ILKAP: variants seen among roughly 807,000 people sequenced by gnomAD.
ILKAP encodes the protein integrin-linked kinase-associated serine/threonine phosphatase 2C.
In ILKAP, 11 loss-of-function variants were observed where a neutral mutation model predicts 49.1. The observed-to-expected ratio is 0.22, with a 90% CI of 0.14 to 0.37. The LOEUF is 0.37. ILKAP is among the 10% of genes least tolerant of loss of function. The probability of loss-of-function intolerance (pLI) is 1.00; values close to 1 mark genes in which losing one functional copy is unlikely to be tolerated. For missense variants in ILKAP, 363 were observed against 510.8 expected (o/e 0.71, Z 2.79); for synonymous variants, 186 against 192.8 (o/e 0.96, Z 0.29).
chr2:238,194,207 A>G (rs1694256352), intron 3 of ILKAP, 68 bp downstream of exon 3: 49 of 1,370,864 alleles, frequency 3.6e-5, no homozygotes, highest in Non-Finnish European at 4.6e-5. Flanking sequence ...CCTATACATA[A>G]ATTTCACATA....
chr2:238,176,132 T>G (rs1693443564), intron 9 of ILKAP, among the ~76,000 whole-genome samples: 6 of 87,958 alleles, frequency 6.8e-5, no homozygotes, highest in Middle Eastern at 4.9e-3. Flanking sequence ...TAGCAAGTAG[T>G]GGCTTTTTTT....
chr2:238,193,612 T>C (rs1266373423), intron 3 of ILKAP, among the ~76,000 whole-genome samples: 1 of 152,242 alleles, frequency 6.6e-6, no homozygotes, highest in South Asian at 2.1e-4. Flanking sequence ...TGCAATTTTT[T>C]GGTATGGGTC....
intron 9 of ILKAP, 101 bp from the exon 10 acceptor site, chr2:238,173,754 T>C (rs1693329576): frequency 1.5e-6 from 2 of 1,315,516 alleles, no homozygotes; most frequent in Non-Finnish European, 2.1e-6. Flanking sequence ...GTGTGAAAGA[T>C]ACAGACTGTG....
chr2:238,202,031 C>G (rs949786902), intron 1 of ILKAP, among the ~76,000 whole-genome samples: 4 of 152,072 alleles, frequency 2.6e-5, no homozygotes, highest in African/African-American at 9.7e-5. Flanking sequence ...TCAAGACCAC[C>G]CTACCCAACA....
At chr2:238,177,518 C>A (rs554969066) in intron 9 of ILKAP, among the ~76,000 whole-genome samples, 5 of 152,276 alleles carry the variant, frequency 3.3e-5, no homozygotes, top group African/African-American at 9.6e-5. Flanking sequence ...CCCCCAATAA[C>A]CACCATTCTA....
rs1490832013 is a variant in ILKAP, at chr2:238,201,059, C to A, written c.55+2440G>T. Reference sequence around the variant, plus strand: ...TTGCGCTCTGGGAAAATAACGAGGTCTTTTATTGTTCACTGCATTAGAGAT... The same window carrying A: ...TTGCGCTCTGGGAAAATAACGAGGTATTTTATTGTTCACTGCATTAGAGAT... On this transcript the variant is annotated intron_variant, in intron 1 of 11. Transcript: ENST00000254654. Among the ~76,000 whole-genome samples the A allele has an allele frequency of 4.6e-5, 7 of 152,170 alleles. No individual in the cohort carries two copies. The South Asian group carries it at 1.2e-3, about 27-fold the overall frequency.
intron 5 of ILKAP, chr2:238,185,593 G>GGAGATCAA (rs1693872039): frequency 3.9e-6 from 1 of 259,438 alleles, no homozygotes; most frequent in Non-Finnish European, 7.6e-6. Context: ...CACGAGATCA[G>GGAGATCAA]GAGATCAAGA....
chr2:238,170,604 C>T lies in ILKAP; in HGVS notation c.1111G>A (p.Ala371Thr), dbSNP rs1409601871. The change falls in exon 12 of 12, where the codon GCC (alanine) becomes ACC (threonine). Residue 371 changes from alanine (A) to threonine (T), a missense_variant. Coordinates refer to ENST00000254654, the MANE Select transcript of ILKAP (RefSeq NM_030768.3). The stretch of plus-strand genomic sequence containing the variant: ...GAGCCCCGCTGCACCGCCTTGTTGG[C>T]CAGCCTGTTGCAGGCTGCTTCGTAG... ...ARYEAACNRL[A>T]NKAVQRGSAD... The T allele has an allele frequency of 1.2e-6, 2 of 1,607,606 alleles. No individual in the cohort carries two copies. The highest frequency in any genetic ancestry group is 1.7e-6 in the Non-Finnish European group (2 of 1,174,968).
At chr2:238,179,179 C>CAT (rs1450945305) in intron 9 of ILKAP, among the ~76,000 whole-genome samples, 1 of 152,144 alleles carries the variant, frequency 6.6e-6, no homozygotes, top group African/African-American at 2.4e-5. Flanking sequence ...TTCCACTGGC[C>CAT]ATATCTGAAA....
At chr2:238,185,595 A>G in intron 5 of ILKAP, 1 of 253,340 alleles carries the variant, frequency 3.9e-6, no homozygotes. Context: ...CGAGATCAGG[A>G]GATCAAGACC....
At chr2:238,175,626 A>G (rs1362988008) in intron 9 of ILKAP, among the ~76,000 whole-genome samples, 2 of 152,210 alleles carry the variant, frequency 1.3e-5, no homozygotes, top group Non-Finnish European at 2.9e-5. Context: ...TCTGAGATCG[A>G]GCATCACACA....
intron 3 of ILKAP, among the ~76,000 whole-genome samples, chr2:238,193,140 G>A (rs570419931): frequency 1.3e-5 from 2 of 152,302 alleles, no homozygotes; most frequent in South Asian, 4.1e-4. Context: ...TTTGCCTTTT[G>A]TCCTGTAGAT....
chr2:238,177,231 G>A (rs1299986885), intron 9 of ILKAP, among the ~76,000 whole-genome samples: 1 of 152,222 alleles, frequency 6.6e-6, no homozygotes, highest in Middle Eastern at 3.2e-3. Flanking sequence ...AGGGGACAGG[G>A]ATGAAAGCAT....
intron 1 of ILKAP, among the ~76,000 whole-genome samples, chr2:238,200,154 T>C (rs1694510801): frequency 1.3e-5 from 2 of 152,210 alleles, no homozygotes; most frequent in South Asian, 4.1e-4. Context: ...GGCACTTTTA[T>C]GGGTATGACA....
chr2:238,179,902 G>A (rs186872486), intron 9 of ILKAP, among the ~76,000 whole-genome samples: 29 of 152,224 alleles, frequency 1.9e-4, no homozygotes, highest in Non-Finnish European at 3.5e-4. Flanking sequence ...AATGAGTCTC[G>A]GCAGGGTGCA....
chr2:238,183,995 A>G (rs1693800948), intron 7 of ILKAP, 25 bp downstream of exon 7: 2 of 1,423,446 alleles, frequency 1.4e-6, no homozygotes. Context: ...AGTCCACTCA[A>G]ACTTCATCAT....
chr2:238,185,397 G>C (rs1338779531), intron 5 of ILKAP, 110 bp from the exon 6 acceptor site: 3 of 686,966 alleles, frequency 4.4e-6, no homozygotes, highest in Non-Finnish European at 7.8e-6. Flanking sequence ...GTCAGAGGAA[G>C]TCACACTGGT....
chr2:238,198,960 G>A lies in ILKAP; in HGVS notation c.56-4090C>T, dbSNP rs927624213. Among the ~76,000 whole-genome samples the A allele has an allele frequency of 5.6e-4, 86 of 152,248 alleles. 1 individual carries two copies. Among genetic ancestry groups the A allele is most frequent in the African/African-American group, 2.0e-3 (85 of 41,548 alleles). ...AGAGGTATTATCAGAAAAAAGGGGG[G>A]ACAGGTTCCGCCACACCCCCCAACC... On this transcript the variant is annotated intron_variant, in intron 1 of 11. Transcript: ENST00000254654.
chr2:238,194,304 T>G lies in ILKAP; in HGVS notation c.149A>C (p.Asp50Ala), dbSNP rs1694260709. 1 of 1,613,904 alleles carries G rather than the reference T, an allele frequency of 6.2e-7. No homozygotes were observed. The highest frequency in any genetic ancestry group is 1.3e-5 in the African/African-American group (1 of 74,872). Residue 50 changes from aspartate to alanine, a missense_variant, in exon 3 of 12, where the codon GAT (aspartate) becomes GCT (alanine). By Grantham distance (126) the Asp-to-Ala change is moderately radical. Around this residue, in one of 3 missense-constraint regions of ILKAP, gnomAD observed 114 missense variants for 116.0 expected, o/e 0.98. Transcript: ENST00000254654. ...SGSGGPLLFD[D>A]LPPASSGDSG... ...ATCGCCACTGCTAGCGGGTGGGAGATCATCAAAAAGCAAAGGTCCCCCTGA... is the reference window on the plus strand; with the variant it reads ...ATCGCCACTGCTAGCGGGTGGGAGAGCATCAAAAAGCAAAGGTCCCCCTGA...
Sources: gnomAD v4.1 joint callset for allele counts (sites outside exome capture counted in the v4.1 genomes callset) on GRCh38, gnomAD v4.1.1 for gene constraint, gnomAD v4.1.1 regional missense constraint, MANE v1.5 for transcripts, NCBI Gene and HGNC (gene_info 2026-07-23, HGNC 2026-07-21) for gene names.